The following TMEM132B variants were observed in gnomAD, a reference collection of about 807,000 sequenced individuals.
TMEM132B encodes the protein transmembrane protein 132B.
A neutral mutation model predicts 90.8 loss-of-function variants in TMEM132B; 18 were observed. That is an observed-to-expected ratio of 0.20 (90% CI 0.14 to 0.29). TMEM132B has a LOEUF of 0.29. Among genes scored for constraint, TMEM132B ranks in the 10% least tolerant of loss-of-function variants. TMEM132B has a pLI of 1.00. For missense variants in TMEM132B, 1,096 were observed against 1,326.8 expected, an observed-to-expected ratio of 0.83 and a Z score of 2.70; for synonymous variants, 504 against 523.3, an observed-to-expected ratio of 0.96 and a Z score of 0.50.
At chr12:125,352,445 A>G (rs1465746008) in intron 2 of TMEM132B, among the ~76,000 whole-genome samples, 19 of 152,262 alleles carry the variant, frequency 1.2e-4, no homozygotes, top group Admixed American at 1.2e-3. Context: ...GGATATCAGT[A>G]GGAGACAGTG....
intron 3 of TMEM132B, among the ~76,000 whole-genome samples, chr12:125,456,506 G>C (rs191081377): frequency 6.6e-6 from 1 of 152,242 alleles, no homozygotes; most frequent in Admixed American, 6.5e-5. Flanking sequence ...CGGGATCTAG[G>C]GGGCTCATCC....
chr12:125,223,793 T>A (rs1181378237), intron 1 of TMEM132B, among the ~76,000 whole-genome samples: 1 of 129,842 alleles, frequency 7.7e-6, no homozygotes, highest in Non-Finnish European at 1.6e-5. Context: ...TGTATAATAT[T>A]TTTTTTTTTC....
rs138984731 is a variant in TMEM132B at position 125,207,004 on chromosome 12, A to T, written c.67+20138A>T. Among the ~76,000 whole-genome samples, 23 of 152,246 alleles carry T rather than the reference A, an allele frequency of 1.5e-4. No homozygotes were observed. In the East Asian group the frequency reaches 4.2e-3, roughly 28 times the overall value. ...GCCTGTTTCTCTGTGCAGGTCTGTG[A>T]GCCCTGGCTCCTGATGCATTCGGTG... On this transcript the variant is annotated intron_variant, in intron 1 of 8. Transcript: ENST00000682704.
chr12:125,333,416 C>T (rs1876855352), intron 1 of TMEM132B, among the ~76,000 whole-genome samples: 2 of 152,236 alleles, frequency 1.3e-5, no homozygotes, highest in South Asian at 4.1e-4. Flanking sequence ...GGGGACATTA[C>T]TCAACCCACT....
At chr12:125,347,739 CTCTG>C (rs1000381015) in intron 1 of TMEM132B, among the ~76,000 whole-genome samples, 1 of 152,186 alleles carries the variant, frequency 6.6e-6, no homozygotes, top group Non-Finnish European at 1.5e-5. Flanking sequence ...AAAAAAAAGT[CTCTG>C]TCTGCCCTTG....
chr12:125,205,551 C>T (rs1392725020), intron 1 of TMEM132B, among the ~76,000 whole-genome samples: 1 of 152,232 alleles, frequency 6.6e-6, no homozygotes, highest in African/African-American at 2.4e-5. Context: ...CTCATGAATC[C>T]TTTCAGCAAC....
At chr12:125,300,958 T>TA (rs1434170219) in intron 1 of TMEM132B, 1 of 152,076 alleles carries the variant, frequency 6.6e-6, no homozygotes, top group Non-Finnish European at 1.5e-5. Context: ...GCATATAACT[T>TA]ACAAATAATT....
At chr12:125,362,755 T>C (rs1225394120) in intron 2 of TMEM132B, among the ~76,000 whole-genome samples, 1 of 152,214 alleles carries the variant, frequency 6.6e-6, no homozygotes, top group Non-Finnish European at 1.5e-5. Flanking sequence ...TCTATGACTT[T>C]TTAAAACTTA....
chr12:125,372,571 A>G (rs1345159539), intron 2 of TMEM132B, among the ~76,000 whole-genome samples: 2 of 152,212 alleles, frequency 1.3e-5, no homozygotes. Flanking sequence ...TCCAGTGGAA[A>G]GAGGTAGAAA....
chr12:125,268,077 C>T (rs1256598680), intron 1 of TMEM132B, among the ~76,000 whole-genome samples: 1 of 152,120 alleles, frequency 6.6e-6, no homozygotes, highest in Non-Finnish European at 1.5e-5. Context: ...AAGACTCCAT[C>T]TCTACAAAAA....
At chr12:125,644,486 T>C (rs1325903146) in intron 6 of TMEM132B, among the ~76,000 whole-genome samples, 1 of 152,192 alleles carries the variant, frequency 6.6e-6, no homozygotes, top group East Asian at 1.9e-4. Context: ...ATGATAATAA[T>C]AATAATAGTA....
At chr12:125,355,655 TC>T (rs1877741939) in intron 2 of TMEM132B, among the ~76,000 whole-genome samples, 2 of 152,196 alleles carry the variant, frequency 1.3e-5, no homozygotes, top group South Asian at 4.1e-4. Flanking sequence ...ATGTGTTATT[TC>T]CCAGCGTAAC....
chr12:125,234,437 T>C (rs1288126334), intron 1 of TMEM132B, among the ~76,000 whole-genome samples: 1 of 152,162 alleles, frequency 6.6e-6, no homozygotes, highest in East Asian at 1.9e-4. Context: ...CATGATAGAC[T>C]ACACAGTGGT....
chr12:125,348,213 C>T (rs1235484589), intron 1 of TMEM132B, among the ~76,000 whole-genome samples: 1 of 136,202 alleles, frequency 7.3e-6, no homozygotes, highest in Admixed American at 7.9e-5. Flanking sequence ...TATTATTCCA[C>T]TGTAAATGTT....
At chr12:125,453,234 A>T (rs978741081) in intron 3 of TMEM132B, among the ~76,000 whole-genome samples, 1 of 152,176 alleles carries the variant, frequency 6.6e-6, no homozygotes, top group Non-Finnish European at 1.5e-5. Flanking sequence ...ACCTTTTTGT[A>T]GACTGCAAAA....
chr12:125,339,533 C>G (rs1324861875), intron 1 of TMEM132B, among the ~76,000 whole-genome samples: 1 of 152,200 alleles, frequency 6.6e-6, no homozygotes, highest in Non-Finnish European at 1.5e-5. Flanking sequence ...AGGCAGACCT[C>G]CTTCCAATGC....
intron 3 of TMEM132B, among the ~76,000 whole-genome samples, chr12:125,508,430 G>A (rs886364263): frequency 2.6e-5 from 4 of 152,166 alleles, no homozygotes; most frequent in African/African-American, 9.7e-5. Context: ...GAAGACACCA[G>A]GTCTGGGAAA....
intron 1 of TMEM132B, among the ~76,000 whole-genome samples, chr12:125,223,312 T>C (rs1011701636): frequency 1.3e-5 from 2 of 152,256 alleles, no homozygotes; most frequent in African/African-American, 4.8e-5. Context: ...GATTGCATCC[T>C]GCTCTTAATG....
intron 1 of TMEM132B, among the ~76,000 whole-genome samples, chr12:125,291,149 G>A (rs1875527930): frequency 6.6e-6 from 1 of 152,142 alleles, no homozygotes; most frequent in Non-Finnish European, 1.5e-5. Context: ...ATGAGAAGAG[G>A]TTAGAAGGCT....
Sources: allele counts gnomAD v4.1 joint callset (sites outside exome capture counted in the v4.1 genomes callset), GRCh38; gene constraint gnomAD v4.1.1; transcripts MANE v1.5; gene names NCBI Gene and HGNC (gene_info 2026-07-23, HGNC 2026-07-21).